Variants in TBC1D22A observed in about 807,000 individuals in gnomAD.
TBC1D22A encodes the protein TBC1 domain family member 22A, also known as putative GTPase activator.
In TBC1D22A, 38 loss-of-function variants were observed where a neutral mutation model predicts 60.2. The ratio of observed to expected loss-of-function variants is 0.63; its 90% CI spans 0.49 to 0.83. The LOEUF (loss-of-function observed/expected upper bound fraction) is 0.83, where lower values mean the gene tolerates loss of function less well. Ranked by LOEUF, TBC1D22A falls within the 40% of genes least tolerant of loss-of-function variation. The pLI, the probability that TBC1D22A is intolerant of heterozygous loss-of-function variation, is 0.00. For synonymous variants in TBC1D22A, 302 were observed against 281.7 expected (o/e 1.07, Z -0.72); for missense variants, 628 against 701.0 (o/e 0.90, Z 1.18).
At chr22:46,993,821 G>C (rs1031968472) in intron 9 of TBC1D22A, among the ~76,000 whole-genome samples, 5 of 152,216 alleles carry the variant, frequency 3.3e-5, no homozygotes, top group African/African-American at 1.2e-4. Flanking sequence ...CCTCCTTAGA[G>C]TGCCCTTGAA....
intron 12 of TBC1D22A, among the ~76,000 whole-genome samples, chr22:47,161,783 G>A (rs977439994): frequency 2.0e-5 from 3 of 152,240 alleles, no homozygotes; most frequent in African/African-American, 4.8e-5. Context: ...TTGTGGACCC[G>A]ACAGTGTGAG....
At chr22:47,134,037 C>T (rs1472006367) in intron 12 of TBC1D22A, among the ~76,000 whole-genome samples, 1 of 152,148 alleles carries the variant, frequency 6.6e-6, no homozygotes, top group Admixed American at 6.5e-5. Context: ...GGTGCCCTGC[C>T]CATGCCTCCC....
At chr22:47,022,551 C>CAA (rs35629335) in intron 10 of TBC1D22A, among the ~76,000 whole-genome samples, 20 of 132,974 alleles carry the variant, frequency 1.5e-4, no homozygotes, top group African/African-American at 5.1e-4. Flanking sequence ...GACTCTGTCT[C>CAA]AAAAAAAAAA....
intron 1 of TBC1D22A, among the ~76,000 whole-genome samples, chr22:46,776,295 T>C (rs2083702254): frequency 6.6e-6 from 1 of 151,912 alleles, no homozygotes; most frequent in South Asian, 2.1e-4. Context: ...GCCTGGCGGG[T>C]CGCTGGCTAC....
At chr22:47,126,380 G>A (rs2066458569) in intron 12 of TBC1D22A, among the ~76,000 whole-genome samples, 1 of 152,198 alleles carries the variant, frequency 6.6e-6, no homozygotes, top group Non-Finnish European at 1.5e-5. Context: ...GCCCTTTCCT[G>A]TAAACAGCAT....
intron 7 of TBC1D22A, among the ~76,000 whole-genome samples, chr22:46,906,386 C>T (rs1048531338): frequency 6.6e-6 from 1 of 152,006 alleles, no homozygotes; most frequent in African/African-American, 2.4e-5. Flanking sequence ...ATTTAATTGG[C>T]GAGGCTGGTG....
chr22:46,957,041 C>T (rs1325658589), intron 8 of TBC1D22A, among the ~76,000 whole-genome samples: 4 of 152,166 alleles, frequency 2.6e-5, no homozygotes, highest in Non-Finnish European at 5.9e-5. Flanking sequence ...CCTGAAGGCT[C>T]GCCTGTGGAG....
chr22:47,030,617 T>A (rs2062439037), intron 10 of TBC1D22A, among the ~76,000 whole-genome samples: 1 of 152,220 alleles, frequency 6.6e-6, no homozygotes, highest in South Asian at 2.1e-4. Flanking sequence ...TGAAAAAACC[T>A]TTTCAGCCTG....
At chr22:47,022,076 A>C (rs1246796378) in intron 10 of TBC1D22A, among the ~76,000 whole-genome samples, 1 of 152,234 alleles carries the variant, frequency 6.6e-6, no homozygotes, top group Non-Finnish European at 1.5e-5. Context: ...ACAGCCCCAC[A>C]GTTCATTTAC....
At position 46,884,488 on chromosome 22, in the gene TBC1D22A, C is replaced by T. The variant is rs375033748; in HGVS notation, c.708+5765C>T. Among the ~76,000 whole-genome samples, 126 of 152,214 alleles carry T rather than the reference C, an allele frequency of 8.3e-4. 1 individual carries two copies. The highest frequency in any genetic ancestry group is 2.7e-3 in the African/African-American group (114 of 41,552). ...CAGTGCCGTGGGCTCCTCCCACAGC[C>T]GGGGAGGTGGAGACCGAGAGAGGGT... On this transcript the variant is annotated intron_variant, in intron 5 of 12. Transcript: ENST00000337137.
chr22:46,834,751 T>C (rs970527809), intron 4 of TBC1D22A, among the ~76,000 whole-genome samples: 6 of 152,202 alleles, frequency 3.9e-5, no homozygotes, highest in African/African-American at 1.4e-4. Context: ...ACAAATTTCA[T>C]AGGATCTGTT....
chr22:46,825,417 T>C (rs1188657625), intron 4 of TBC1D22A, among the ~76,000 whole-genome samples: 1 of 152,166 alleles, frequency 6.6e-6, no homozygotes, highest in African/African-American at 2.4e-5. Context: ...CAGAGAACTT[T>C]GTTCTCTCCC....
chr22:47,092,369 T>C (rs757378149), intron 11 of TBC1D22A, among the ~76,000 whole-genome samples: 5 of 152,094 alleles, frequency 3.3e-5, no homozygotes, highest in Middle Eastern at 3.2e-3. Flanking sequence ...GGACTCACCA[T>C]AAGGGATGGG....
chr22:47,004,835 A>G (rs2061529309), intron 10 of TBC1D22A, among the ~76,000 whole-genome samples: 1 of 151,502 alleles, frequency 6.6e-6, no homozygotes, highest in African/African-American at 2.4e-5. Flanking sequence ...ATGTATAGAT[A>G]CACCCACACT....
At chr22:47,082,597 T>C (rs973411056) in intron 11 of TBC1D22A, among the ~76,000 whole-genome samples, 12 of 152,248 alleles carry the variant, frequency 7.9e-5, no homozygotes, top group South Asian at 4.1e-4. Context: ...CAGCAGAAGA[T>C]ATTCTGATGG....
chr22:46,915,918 C>G (rs1192802983), intron 8 of TBC1D22A: 2 of 449,236 alleles, frequency 4.5e-6, no homozygotes, highest in South Asian at 3.2e-5. Flanking sequence ...TCTGCACATG[C>G]TGGCACTCAG....
At chr22:47,059,790 C>CG (rs2063508691) in intron 11 of TBC1D22A, among the ~76,000 whole-genome samples, 1 of 152,116 alleles carries the variant, frequency 6.6e-6, no homozygotes, top group Non-Finnish European at 1.5e-5. Context: ...TTAGACTTTA[C>CG]GGTAACAGCA....
chr22:47,114,670 G>A (rs2065967452), intron 12 of TBC1D22A, among the ~76,000 whole-genome samples: 2 of 152,118 alleles, frequency 1.3e-5, no homozygotes, highest in Non-Finnish European at 2.9e-5. Context: ...GTGGAACGTT[G>A]GTGGAAAGCG....
At chr22:46,989,790 A>C (rs1318306210) in intron 9 of TBC1D22A, among the ~76,000 whole-genome samples, 1 of 116,562 alleles carries the variant, frequency 8.6e-6, no homozygotes, top group Non-Finnish European at 1.7e-5. Flanking sequence ...CACACACAAT[A>C]AATAAATATA....
Sources: gnomAD v4.1 joint callset for allele counts (sites outside exome capture counted in the v4.1 genomes callset) on GRCh38, gnomAD v4.1.1 for gene constraint, MANE v1.5 for transcripts, NCBI Gene and HGNC (gene_info 2026-07-23, HGNC 2026-07-21) for gene names.